SLC6A3: variants seen among roughly 807,000 people sequenced by gnomAD.
The protein encoded by SLC6A3 is solute carrier family 6 member 3.
SLC6A3 carries 19 observed loss-of-function variants against 70.4 expected under a neutral mutation model. That is an observed-to-expected ratio of 0.27 (90% CI 0.19 to 0.40). SLC6A3 has a LOEUF of 0.40. SLC6A3 is among the 10% of genes least tolerant of loss of function. The probability of loss-of-function intolerance (pLI) is 1.00; values close to 1 mark genes in which losing one functional copy is unlikely to be tolerated. For synonymous variants in SLC6A3, 368 were observed against 356.6 expected, an observed-to-expected ratio of 1.03 and a Z score of -0.36; for missense variants, 613 against 838.5, an observed-to-expected ratio of 0.73 and a Z score of 3.32.
chr5:1,424,414 A>G (rs745816991), intron 4 of SLC6A3, among the ~76,000 whole-genome samples: 13 of 152,040 alleles, frequency 8.6e-5, no homozygotes, highest in Non-Finnish European at 1.5e-4. Context: ...CATCACTGAG[A>G]GCTTCTGAGG....
chr5:1,443,345 C>T (rs1456756013), intron 1 of SLC6A3, 103 bp from the exon 2 acceptor site: 4 of 903,164 alleles, frequency 4.4e-6, no homozygotes, highest in Admixed American at 3.8e-5. Context: ...GAGGCATTCA[C>T]GGGCATTCCT....
chr5:1,395,129 CGTG>C (rs978641771), intron 14 of SLC6A3, among the ~76,000 whole-genome samples: 11 of 152,158 alleles, frequency 7.2e-5, no homozygotes, highest in Non-Finnish European at 1.6e-4. Flanking sequence ...TTGGGTGTGA[CGTG>C]GTGATGTCAC....
intron 14 of SLC6A3, among the ~76,000 whole-genome samples, chr5:1,395,066 G>A (rs1755682874): frequency 6.6e-6 from 1 of 152,230 alleles, no homozygotes; most frequent in African/African-American, 2.4e-5. Flanking sequence ...CTGAGTCTGA[G>A]AGATGCCGGG....
chr5:1,443,129 G>A lies in SLC6A3; in HGVS notation c.69C>T (p.Ala23=), dbSNP rs145257591. Reference sequence around the variant, plus strand: ...TGAGCTCCACCTCCTTCGGGCCCACGGCATTGGGCTCCTTAGCCGGGGCCA... The same window carrying A: ...TGAGCTCCACCTCCTTCGGGCCCACAGCATTGGGCTCCTTAGCCGGGGCCA... ...SVVAPAKEPN[A]VGPKEVELIL... is the part of the protein sequence containing the mutation. The change falls in exon 2 of 15, where the codon GCC becomes GCT. Residue 23 remains alanine (A), a synonymous_variant. Coordinates refer to ENST00000270349, the MANE Select transcript of SLC6A3 (RefSeq NM_001044.5). 1.9e-5 allele frequency: 31 copies of A among 1,614,222 alleles called. No homozygotes were observed. The highest frequency in any genetic ancestry group is 1.2e-4 in the African/African-American group (9 of 75,062).
rs982213649 is a variant in SLC6A3 at position 1,406,699 on chromosome 5, T to A, written c.1499-411A>T. On this transcript the variant is annotated intron_variant, in intron 11 of 14. Coordinates refer to ENST00000270349, the MANE Select transcript of SLC6A3 (RefSeq NM_001044.5). This position sits in a 1 kb window ranked among gnomAD's most constrained non-coding sequence, Gnocchi z 8.8. Reference sequence around the variant, plus strand: ...CCATTTTTACGTGTAGAGTTCATAATGTATCAATACATTCACATACTGTGT... The same window carrying A: ...CCATTTTTACGTGTAGAGTTCATAAAGTATCAATACATTCACATACTGTGT... Among the ~76,000 whole-genome samples, 3 of 151,252 alleles carry A rather than the reference T, an allele frequency of 2.0e-5. No individual in the cohort carries two copies. The highest frequency in any genetic ancestry group is 4.5e-5 in the Non-Finnish European group (3 of 67,400).
At chr5:1,407,378 G>A (rs542976524) in intron 11 of SLC6A3, among the ~76,000 whole-genome samples, 3 of 152,044 alleles carry the variant, frequency 2.0e-5, no homozygotes, top group Non-Finnish European at 4.4e-5. Context: ...GAGGCCGGAA[G>A]AAGCCAAGAG....
rs2111330696 is a variant in SLC6A3 at position 1,397,383 on chromosome 5, A to G, written c.1840-2625T>C. 6.6e-6 allele frequency among the ~76,000 whole-genome samples: 1 copy of G among 152,344 alleles called. No individual in the cohort carries two copies. The highest frequency in any genetic ancestry group is 2.1e-4 in the South Asian group (1 of 4,832). ...GAGGCGGAGCTTGCAGTGAGCCGAG[A>G]TTGCGCCACTGCACTCCAGCCTGGG... On this transcript the variant is annotated intron_variant, in intron 14 of 14. Coordinates refer to ENST00000270349, the MANE Select transcript of SLC6A3 (RefSeq NM_001044.5). The surrounding 1 kb of genome is among the most constrained non-coding windows in gnomAD (Gnocchi z 4.7).
intron 9 of SLC6A3, among the ~76,000 whole-genome samples, chr5:1,410,856 A>G (rs1481209231): frequency 1.3e-5 from 2 of 148,984 alleles, no homozygotes; most frequent in Non-Finnish European, 3.0e-5. Context: ...GTGTTCATGT[A>G]TGTGTGCGTG....
intron 11 of SLC6A3, among the ~76,000 whole-genome samples, chr5:1,407,665 T>C (rs1161168183): frequency 1.3e-5 from 2 of 152,222 alleles, no homozygotes; most frequent in East Asian, 3.8e-4. Flanking sequence ...CCGGAGGCCA[T>C]GGCAATTCAA....
intron 6 of SLC6A3, among the ~76,000 whole-genome samples, chr5:1,417,882 G>C (rs550690144): frequency 6.6e-6 from 1 of 152,364 alleles, no homozygotes; most frequent in African/African-American, 2.4e-5. Flanking sequence ...CCAGGTCCCA[G>C]GTCAAGCTTG....
At chr5:1,434,958 T>C (rs1046172304) in intron 3 of SLC6A3, among the ~76,000 whole-genome samples, 2 of 152,234 alleles carry the variant, frequency 1.3e-5, no homozygotes, top group Admixed American at 6.5e-5. Context: ...GTGGTGACGA[T>C]GAAAGCCAAG....
rs1755660730 is a variant in SLC6A3, at chr5:1,394,401, C to CAGAGCCG, written c.*327_*333dup. ...GAACACAGTGCCCCTGGGGCAGCCTCAGAGCCGGGAGCAGGGAGCAGGGAG... is the reference window on the plus strand; with the variant it reads ...GAACACAGTGCCCCTGGGGCAGCCTCAGAGCCGAGAGCCGGGAGCAGGGAGCAGGGAG... On this transcript the variant is annotated 3_prime_UTR_variant, in exon 15 of 15. Coordinates refer to ENST00000270349, the MANE Select transcript of SLC6A3 (RefSeq NM_001044.5). The surrounding 1 kb of genome is among the most constrained non-coding windows in gnomAD (Gnocchi z 4.7). The CAGAGCCG allele has an allele frequency of 8.1e-6, 4 of 492,420 alleles. No individual in the cohort carries two copies. The highest frequency in any genetic ancestry group is 1.5e-5 in the Non-Finnish European group (4 of 270,902). 30.5% of individuals were successfully genotyped at this position (492,420 alleles called of 1,614,324 possible). A position where few individuals can be genotyped will look rare whatever the true frequency, so the allele number is the denominator to read the frequency against.
rs1465252942 is a variant in SLC6A3, at chr5:1,397,355, C to T, written c.1840-2597G>A. Among the ~76,000 whole-genome samples, 7 of 152,288 alleles carry T rather than the reference C, an allele frequency of 4.6e-5. No individual in the cohort carries two copies. Among genetic ancestry groups the T allele is most frequent in the Middle Eastern group, 6.8e-3 (2 of 294 alleles). On this transcript the variant is annotated intron_variant, in intron 14 of 14. Transcript: ENST00000270349. This position sits in a 1 kb window ranked among gnomAD's most constrained non-coding sequence, Gnocchi z 4.7. ...CTGAGGCAGGAGAATGGCGCGAACC[C>T]GGGAGGCGGAGCTTGCAGTGAGCCG...
chr5:1,407,967 C>T (rs149087349), intron 11 of SLC6A3, among the ~76,000 whole-genome samples: 2 of 146,888 alleles, frequency 1.4e-5, no homozygotes, highest in East Asian at 4.1e-4. Flanking sequence ...TCACGCAGCA[C>T]CACAGACATT....
chr5:1,444,891 G>T lies in SLC6A3; in HGVS notation c.-46+457C>A, dbSNP rs377321790. Among the ~76,000 whole-genome samples, 246 of 152,226 alleles carry T rather than the reference G, an allele frequency of 1.6e-3. 2 individuals are homozygous for T. The highest frequency in any genetic ancestry group is 5.4e-3 in the African/African-American group (226 of 41,536). ...TCCCCGCCCTGCCCAGAGCACCAGC[G>T]CGCAGCCCGCGCCCGCCACCACCCC... On this transcript the variant is annotated intron_variant, in intron 1 of 14. Transcript: ENST00000270349.
chr5:1,420,778 C>G (rs905827292), intron 5 of SLC6A3, 75 bp from the exon 6 acceptor site: 1 of 1,553,090 alleles, frequency 6.4e-7, no homozygotes, highest in African/African-American at 1.4e-5. Flanking sequence ...ACAAGGGCAC[C>G]GGGTTGCCCT....
At position 1,414,406 on chromosome 5, in the gene SLC6A3, C is replaced by CCGGGAGGGGCAGGGCAGGAAAGGCA. The variant is rs1560912794; in HGVS notation, c.1156+284_1156+285insTGCCTTTCCTGCCCTGCCCCTCCCG. Among the ~76,000 whole-genome samples the CCGGGAGGGGCAGGGCAGGAAAGGCA allele has an allele frequency of 8.3e-4, 120 of 145,250 alleles. 9 individuals are homozygous for CCGGGAGGGGCAGGGCAGGAAAGGCA. The highest frequency in any genetic ancestry group is 1.4e-3 in the Non-Finnish European group (90 of 65,746). On this transcript the variant is annotated intron_variant, in intron 8 of 14. Transcript: ENST00000270349. ...GCAGGAAAGGCACTGGGTGGGGGGG[C>CCGGGAGGGGCAGGGCAGGAAAGGCA]CTGGAGGGGCAGGGCGGAGAAGGCA... is the stretch of plus-strand genomic sequence containing the variant.
rs1755641483 is a variant in SLC6A3, at chr5:1,393,806, C to T, written c.*929G>A. On this transcript the variant is annotated 3_prime_UTR_variant, in exon 15 of 15. Coordinates refer to ENST00000270349, the MANE Select transcript of SLC6A3 (RefSeq NM_001044.5). ...CTCCAGTGGGGGCCCTGCATGCGTCCTGGGGTAGTACACGCTCCTGTGGGG... is the reference window on the plus strand; with the variant it reads ...CTCCAGTGGGGGCCCTGCATGCGTCTTGGGGTAGTACACGCTCCTGTGGGG... 7.1e-6 allele frequency: 1 copy of T among 141,072 alleles called. No homozygotes were observed. The highest frequency in any genetic ancestry group is 2.8e-5 in the African/African-American group (1 of 35,090). The allele number at this position is 141,072 out of a possible 1,614,324, so 8.7% of individuals were successfully genotyped here. A position where few individuals can be genotyped will look rare whatever the true frequency, so the allele number is the denominator to read the frequency against.
intron 8 of SLC6A3, among the ~76,000 whole-genome samples, chr5:1,412,267 C>T (rs1756147844): frequency 6.6e-6 from 1 of 152,236 alleles, no homozygotes. Flanking sequence ...TCCTTCACCA[C>T]CTCCCCTGCC....
Sources: allele counts gnomAD v4.1 joint callset (sites outside exome capture counted in the v4.1 genomes callset), GRCh38; gene constraint gnomAD v4.1.1; non-coding constraint Gnocchi (gnomAD v3.1); transcripts MANE v1.5; gene names NCBI Gene and HGNC (gene_info 2026-07-23, HGNC 2026-07-21).